The following PCDHGA10 variants were observed in gnomAD, a reference collection of about 807,000 sequenced individuals.
The protein encoded by PCDHGA10 is protocadherin gamma subfamily A, 10.
PCDHGA10 carries 42 observed loss-of-function variants against 59.5 expected under a neutral mutation model. That is an observed-to-expected ratio of 0.71 (90% confidence interval 0.55 to 0.91). PCDHGA10 has a LOEUF of 0.91. Among genes scored for constraint, PCDHGA10 ranks in the 40% least tolerant of loss-of-function variants. The pLI is 0.00. For missense variants in PCDHGA10, 1,111 were observed against 1,198.2 expected (o/e 0.93, Z 1.07); for synonymous variants, 511 against 517.2 (o/e 0.99, Z 0.16).
chr5:141,500,345 A>G (rs1459262760), intron 2 of PCDHGA10, among the ~76,000 whole-genome samples: 3 of 151,916 alleles, frequency 2.0e-5, no homozygotes, highest in Non-Finnish European at 4.4e-5. Context: ...AATAGCTGGG[A>G]CTACAGGCGC....
Position 141,427,920 on chromosome 5 carries a change from C to T in PCDHGA10, c.2436+12309C>T, listed in dbSNP as rs552823212. The T allele has an allele frequency of 3.8e-6, 6 of 1,579,506 alleles. No homozygotes were observed. In the African/African-American group the frequency reaches 4.0e-5, roughly 11 times the overall value. On this transcript the variant is annotated intron_variant, in intron 1 of 3. Transcript: ENST00000398610. The stretch of plus-strand genomic sequence containing the variant: ...GCCCGCGCTCAGCGCCAACATGAGC[C>T]GGCGCATGTTGGTGGGCGACCTCAA...
At chr5:141,426,487 G>A (rs999549044) in intron 1 of PCDHGA10, 2 of 333,788 alleles carry the variant, frequency 6.0e-6, no homozygotes, top group African/African-American at 4.3e-5. Context: ...AAACCTTAGA[G>A]TTAGTGCAGA....
At chr5:141,439,215 G>A (rs1319217047) in intron 1 of PCDHGA10, among the ~76,000 whole-genome samples, 2 of 151,488 alleles carry the variant, frequency 1.3e-5, no homozygotes, top group African/African-American at 4.9e-5. Flanking sequence ...ATCCATATGT[G>A]AAAATTCTTA....
chr5:141,510,568 G>C (rs2099881703), intron 3 of PCDHGA10, among the ~76,000 whole-genome samples: 1 of 152,100 alleles, frequency 6.6e-6, no homozygotes, highest in Non-Finnish European at 1.5e-5. Context: ...CATCTACCAG[G>C]CACTATTTTA....
chr5:141,421,533 C>T (rs80184002), intron 1 of PCDHGA10: 1 of 1,614,044 alleles, frequency 6.2e-7, no homozygotes, highest in African/African-American at 1.3e-5. Flanking sequence ...CGGTGTCCTC[C>T]TGTTTTTTAA....
intron 1 of PCDHGA10, 129 bp downstream of exon 1, chr5:141,415,740 G>GTTTTGTTTTT (rs2095911163): frequency 1.9e-6 from 1 of 515,998 alleles, no homozygotes; most frequent in African/African-American, 2.8e-5. Context: ...GTTTATTAAG[G>GTTTTGTTTTT]TTTTTTTTTT....
chr5:141,470,490 A>C (rs1193023083), intron 1 of PCDHGA10, among the ~76,000 whole-genome samples: 1 of 152,202 alleles, frequency 6.6e-6, no homozygotes, highest in African/African-American at 2.4e-5. Context: ...TCTGGGAATA[A>C]TATTAGGTAA....
Position 141,490,486 on chromosome 5 carries a change from G to A in PCDHGA10, c.2437-4321G>A, listed in dbSNP as rs1187388706. The A allele has an allele frequency of 1.2e-6, 2 of 1,614,090 alleles. No individual in the cohort carries two copies. On this transcript the variant is annotated intron_variant, in intron 1 of 3. Transcript: ENST00000398610. The surrounding 1 kb of genome is among the most constrained non-coding windows in gnomAD (Gnocchi z 5.4). ...AACCAGCCAGCCTTTGGACCGGGAG[G>A]CCACATCCCACTATATCATCGAGCT...
At position 141,485,437 on chromosome 5, in the gene PCDHGA10, C is replaced by A. The variant is rs2099613420; in HGVS notation, c.2437-9370C>A. The A allele has an allele frequency of 6.2e-7, 1 of 1,614,174 alleles. No individual in the cohort carries two copies. Among genetic ancestry groups the A allele is most frequent in the Non-Finnish European group, 8.5e-7 (1 of 1,180,028 alleles). On this transcript the variant is annotated intron_variant, in intron 1 of 3. Transcript: ENST00000398610. The surrounding 1 kb of genome is among the most constrained non-coding windows in gnomAD (Gnocchi z 5.7). ...ACAGCGGAGCCCTGCTCATCAAGAA[C>A]CCAATCGACCGAGAGGCACTGTGTG...
chr5:141,499,261 GT>G (rs2099790689), intron 2 of PCDHGA10, among the ~76,000 whole-genome samples: 1 of 152,022 alleles, frequency 6.6e-6, no homozygotes, highest in South Asian at 2.1e-4. Context: ...TCTCCATTTG[GT>G]CCCTAGACTG....
intron 1 of PCDHGA10, chr5:141,428,003 C>A (rs1175875944): frequency 2.5e-6 from 4 of 1,601,244 alleles, no homozygotes; most frequent in Non-Finnish European, 3.4e-6. Context: ...CCGCACTCTT[C>A]GATATAGTGC....
intron 1 of PCDHGA10, among the ~76,000 whole-genome samples, chr5:141,469,304 C>T (rs890230691): frequency 2.0e-5 from 3 of 151,892 alleles, no homozygotes; most frequent in East Asian, 1.9e-4. Flanking sequence ...AGACTGGGCA[C>T]GATGGCTCAC....
chr5:141,431,447 G>C lies in PCDHGA10; in HGVS notation c.2436+15836G>C. ...GCGCACAGGCACCGCGCGCATCCGC[G>C]TGATGGTTCTGGATGCGAACGACAA... is the stretch of plus-strand genomic sequence containing the variant. On this transcript the variant is annotated intron_variant, in intron 1 of 3. Coordinates refer to ENST00000398610, the MANE Select transcript of PCDHGA10 (RefSeq NM_018913.3). The surrounding 1 kb of genome is among the most constrained non-coding windows in gnomAD (Gnocchi z 4.8). The C allele has an allele frequency of 6.2e-7, 1 of 1,613,792 alleles. No individual in the cohort carries two copies. Among genetic ancestry groups the C allele is most frequent in the Non-Finnish European group, 8.5e-7 (1 of 1,180,014 alleles).
intron 1 of PCDHGA10, among the ~76,000 whole-genome samples, chr5:141,472,042 T>C (rs2099270232): frequency 2.0e-5 from 3 of 152,146 alleles, no homozygotes; most frequent in African/African-American, 7.2e-5. Context: ...TGTGAAAAGA[T>C]TTTAAAAATG....
At chr5:141,437,032 C>T (rs2097859215) in intron 1 of PCDHGA10, among the ~76,000 whole-genome samples, 1 of 152,182 alleles carries the variant, frequency 6.6e-6, no homozygotes, top group Admixed American at 6.5e-5. Context: ...GAAAATGGAT[C>T]ACCGAAACCA....
chr5:141,425,843 G>A (rs2096898027), intron 1 of PCDHGA10, among the ~76,000 whole-genome samples: 1 of 152,118 alleles, frequency 6.6e-6, no homozygotes, highest in African/African-American at 2.4e-5. Flanking sequence ...TCTCTTTGCT[G>A]GGTTAATGAC....
At chr5:141,461,825 T>C (rs2099024418) in intron 1 of PCDHGA10, among the ~76,000 whole-genome samples, 1 of 151,778 alleles carries the variant, frequency 6.6e-6, no homozygotes, top group African/African-American at 2.4e-5. Context: ...AGCTAATTTT[T>C]TTTTCTTTTT....
At chr5:141,428,312 C>A in intron 1 of PCDHGA10, 1 of 671,484 alleles carries the variant, frequency 1.5e-6, no homozygotes, top group Non-Finnish European at 2.7e-6. Flanking sequence ...CTGGTCGTGG[C>A]CTTGGCCTTG....
At chr5:141,488,198 GGACTC>G in intron 1 of PCDHGA10, among the ~76,000 whole-genome samples, 1 of 152,166 alleles carries the variant, frequency 6.6e-6, no homozygotes, top group Non-Finnish European at 1.5e-5. Context: ...CTGGGTCTTA[GGACTC>G]ATATCAAGTC....
Sources: allele counts gnomAD v4.1 joint callset (sites outside exome capture counted in the v4.1 genomes callset), GRCh38; gene constraint gnomAD v4.1.1; non-coding constraint Gnocchi (gnomAD v3.1); transcripts MANE v1.5; gene names NCBI Gene and HGNC (gene_info 2026-07-23, HGNC 2026-07-21).